The following TMEM117 variants were observed in gnomAD, a reference collection of about 807,000 sequenced individuals.
TMEM117 encodes transmembrane protein 117.
Under a neutral mutation model 52.4 loss-of-function variants are expected in TMEM117, and 27 were observed. That is an observed-to-expected ratio of 0.51 (90% CI 0.38 to 0.71). The LOEUF is 0.71. TMEM117 is among the 30% of genes least tolerant of loss of function. TMEM117 has a pLI of 0.00. For synonymous variants in TMEM117, 215 were observed against 206.3 expected (o/e 1.04, Z -0.36); for missense variants, 556 against 630.5 (o/e 0.88, Z 1.26).
intron 2 of TMEM117, among the ~76,000 whole-genome samples, chr12:43,888,714 A>C (rs1944046183): frequency 6.6e-6 from 1 of 150,770 alleles, no homozygotes; most frequent in Admixed American, 6.6e-5. Context: ...CACCTGGCTA[A>C]TTTTTTTGTA....
At chr12:44,007,989 A>C (rs919028348) in intron 3 of TMEM117, among the ~76,000 whole-genome samples, 2 of 152,074 alleles carry the variant, frequency 1.3e-5, no homozygotes, top group African/African-American at 4.8e-5. Flanking sequence ...GGACTAATAG[A>C]GTTGTAGCTG....
At chr12:44,216,005 C>CTTTTTTTTTTT (rs778425747) in intron 5 of TMEM117, among the ~76,000 whole-genome samples, 9 of 110,816 alleles carry the variant, frequency 8.1e-5, no homozygotes, top group South Asian at 6.0e-4. Flanking sequence ...TTCTTTCTTT[C>CTTTTTTTTTTT]TTTTTTTTTT....
At chr12:44,175,646 A>G (rs1385007775) in intron 4 of TMEM117, among the ~76,000 whole-genome samples, 1 of 152,184 alleles carries the variant, frequency 6.6e-6, no homozygotes, top group Non-Finnish European at 1.5e-5. Context: ...TGGCCAAGGT[A>G]AAGGCCCAAT....
the TMEM117 span, chr12:43,804,538 G>A: frequency 4.4e-6 from 7 of 1,602,848 alleles, no homozygotes; most frequent in African/African-American, 9.4e-5. Context: ...TTCCATTTCT[G>A]GCTCTGGCAA....
intron 6 of TMEM117, among the ~76,000 whole-genome samples, chr12:44,305,260 CT>C (rs71091199): frequency 0.99 from 151,238 of 152,286 alleles, 75,103 homozygotes; most frequent in East Asian, 1. Context: ...GAATTTATGA[CT>C]TAAGTCCCCA....
At chr12:44,282,330 C>CA (rs1434847713) in intron 5 of TMEM117, among the ~76,000 whole-genome samples, 1 of 152,024 alleles carries the variant, frequency 6.6e-6, no homozygotes, top group African/African-American at 2.4e-5. Context: ...GGGTAACAGG[C>CA]AGAGGTTGGA....
Position 43,935,828 on chromosome 12 carries a change from T to C in TMEM117, c.278-8382T>C, listed in dbSNP as rs1166587882. ...AGACAACTTCCCAGAGGAGATCATT[T>C]CTGACCTGCATTCTAGGCTTTATAG... On this transcript the variant is annotated intron_variant, in intron 2 of 7. Transcript: ENST00000266534. 2.0e-5 allele frequency among the ~76,000 whole-genome samples: 3 copies of C among 152,322 alleles called. No homozygotes were observed. In the South Asian group the frequency reaches 6.2e-4, roughly 32 times the overall value.
rs538760853 is a variant in TMEM117, at chr12:44,352,782, A to G, written c.769-23813A>G. ...CGTGTTCATGTGTCTTTATAGCAGC[A>G]TGATTTATAATCCTTTGGGTATATA... On this transcript the variant is annotated intron_variant, in intron 6 of 7. Transcript: ENST00000266534. 3.9e-5 allele frequency among the ~76,000 whole-genome samples: 6 copies of G among 152,308 alleles called. No individual in the cohort carries two copies. The East Asian group carries it at 1.2e-3, about 29-fold the overall frequency.
At chr12:44,234,090 C>A (rs1466710956) in intron 5 of TMEM117, among the ~76,000 whole-genome samples, 1 of 145,446 alleles carries the variant, frequency 6.9e-6, no homozygotes, top group Non-Finnish European at 1.5e-5. Context: ...ATCCTTGTGT[C>A]TCTATCCCGA....
chr12:43,864,651 TA>T (rs1434374802), intron 2 of TMEM117, among the ~76,000 whole-genome samples: 5 of 152,098 alleles, frequency 3.3e-5, no homozygotes, highest in African/African-American at 1.2e-4. Flanking sequence ...TCAGGGATTG[TA>T]AAAGCACCAA....
chr12:43,806,503 C>A, the TMEM117 span: 1 of 598,454 alleles, frequency 1.7e-6, no homozygotes. Context: ...GCTCTTGCCG[C>A]CGCCTCTCCC....
the TMEM117 span, among the ~76,000 whole-genome samples, chr12:44,396,350 A>G: frequency 2.1e-4 from 32 of 152,106 alleles, no homozygotes; most frequent in African/African-American, 6.0e-4. Context: ...TTGTGTTCCT[A>G]TATGACCTAC....
chr12:44,202,241 TATAAAG>T (rs1949505305), intron 4 of TMEM117, among the ~76,000 whole-genome samples: 2 of 152,104 alleles, frequency 1.3e-5, no homozygotes, highest in Non-Finnish European at 2.9e-5. Context: ...GAAGTCTAAT[TATAAAG>T]ATAATTAGAA....
At chr12:43,887,669 A>G (rs1944020952) in intron 2 of TMEM117, among the ~76,000 whole-genome samples, 1 of 152,198 alleles carries the variant, frequency 6.6e-6, no homozygotes, top group Non-Finnish European at 1.5e-5. Flanking sequence ...CAAGGCCTGG[A>G]TGGAAAAAAA....
At chr12:43,833,476 G>A (rs1012368576), upstream of TMEM117, among the ~76,000 whole-genome samples, 4 of 151,942 alleles carry the variant, frequency 2.6e-5, no homozygotes, top group African/African-American at 9.7e-5. Context: ...ATTTTATTTT[G>A]TCTGGAGGTG....
chr12:43,831,194 G>A (rs940002198), upstream of TMEM117, among the ~76,000 whole-genome samples: 2 of 152,174 alleles, frequency 1.3e-5, no homozygotes. Flanking sequence ...TGGCAATAAG[G>A]AAATTATGCT....
chr12:44,336,516 T>C (rs1951342953), intron 6 of TMEM117, among the ~76,000 whole-genome samples: 1 of 152,020 alleles, frequency 6.6e-6, no homozygotes, highest in Non-Finnish European at 1.5e-5. Flanking sequence ...GCATTAGATT[T>C]GCAGGAAAAT....
chr12:43,970,961 T>C (rs1159423251), intron 3 of TMEM117, among the ~76,000 whole-genome samples: 1 of 152,298 alleles, frequency 6.6e-6, no homozygotes, highest in Admixed American at 6.5e-5. Context: ...ATGTCAACGG[T>C]ATTCAACCTG....
intron 3 of TMEM117, among the ~76,000 whole-genome samples, chr12:44,084,104 A>G (rs904287884): frequency 2.0e-5 from 3 of 152,322 alleles, no homozygotes; most frequent in Admixed American, 1.3e-4. Context: ...TAGATGACAG[A>G]CTAAATCATA....
Sources: allele counts gnomAD v4.1 joint callset (sites outside exome capture counted in the v4.1 genomes callset), GRCh38; gene constraint gnomAD v4.1.1; transcripts MANE v1.5; gene names NCBI Gene and HGNC (gene_info 2026-07-23, HGNC 2026-07-21).